ARHGAP29: variants seen among roughly 807,000 people sequenced by gnomAD.
ARHGAP29 encodes rho GTPase-activating protein 29.
A neutral mutation model predicts 122.6 loss-of-function variants in ARHGAP29; 43 were observed. The observed-to-expected ratio is 0.35, with a 90% CI of 0.27 to 0.45. ARHGAP29 has a LOEUF of 0.45. ARHGAP29 is among the 20% of genes least tolerant of loss of function. The pLI, the probability that ARHGAP29 is intolerant of heterozygous loss-of-function variation, is 1.00. For synonymous variants in ARHGAP29, 506 were observed against 497.1 expected (o/e 1.02, Z -0.24); for missense variants, 1,303 against 1,477.2 (o/e 0.88, Z 1.93).
At chr1:94,245,512 C>G (rs1653761716) in intron 1 of ARHGAP29, among the ~76,000 whole-genome samples, 1 of 152,140 alleles carries the variant, frequency 6.6e-6, no homozygotes, top group Non-Finnish European at 1.5e-5. Flanking sequence ...ACATAAAATT[C>G]TAGAGAATAT....
chr1:94,196,892 A>C (rs1244933258), intron 12 of ARHGAP29, among the ~76,000 whole-genome samples: 1 of 152,220 alleles, frequency 6.6e-6, no homozygotes, highest in Non-Finnish European at 1.5e-5. Context: ...CAATGCTTAG[A>C]GCGGAAAATT....
At position 94,189,985 on chromosome 1, in the gene ARHGAP29, G is replaced by T; in HGVS notation, c.1380C>A (p.Gly460=). 3 of 1,613,274 alleles carry T rather than the reference G, an allele frequency of 1.9e-6. No homozygotes were observed. The highest frequency in any genetic ancestry group is 2.5e-6 in the Non-Finnish European group (3 of 1,179,590). Residue 460 remains glycine, a synonymous_variant, in exon 13 of 23, where the codon GGC becomes GGA. Coordinates refer to ENST00000260526, the MANE Select transcript of ARHGAP29 (RefSeq NM_004815.4). ...LCDSAKLYDP[G]QEYSEFVKAT... is the part of the protein sequence containing the mutation. ...CCTTGACAAATTCACTGTACTCTTG[G>T]CCTGGGTCATAGAGTTTGGCACTAT...
chr1:94,186,357 G>T, intron 16 of ARHGAP29, 142 bp downstream of exon 16: 1 of 533,086 alleles, frequency 1.9e-6, no homozygotes, highest in South Asian at 3.1e-5. Flanking sequence ...TAATTGTTGG[G>T]ATATATTTAA....
chr1:94,282,272 T>G, the ARHGAP29 span, among the ~76,000 whole-genome samples: 1 of 146,444 alleles, frequency 6.8e-6, no homozygotes, highest in South Asian at 2.1e-4. Context: ...TATTTATTTA[T>G]TTATTTATTT....
At chr1:94,241,823 T>C (rs1653602431), upstream of ARHGAP29, among the ~76,000 whole-genome samples, 1 of 149,316 alleles carries the variant, frequency 6.7e-6, no homozygotes, top group Non-Finnish European at 1.5e-5. Context: ...ATGGACAAAA[T>C]ATATATTGTT....
intron 19 of ARHGAP29, 130 bp from the exon 20 acceptor site, chr1:94,180,087 A>ACATTACTAAAT: frequency 4.7e-6 from 3 of 641,598 alleles, no homozygotes; most frequent in Non-Finnish European, 7.8e-6. Context: ...ATCCACATTT[A>ACATTACTAAAT]GTAATGTAAA....
At chr1:94,291,547 C>T in the ARHGAP29 span, among the ~76,000 whole-genome samples, 4 of 152,108 alleles carry the variant, frequency 2.6e-5, no homozygotes, top group African/African-American at 7.2e-5. Flanking sequence ...TTTATAGTGT[C>T]GATGGTCTTT....
chr1:94,241,593 G>A (rs534383922), upstream of ARHGAP29, among the ~76,000 whole-genome samples: 2 of 148,444 alleles, frequency 1.3e-5, no homozygotes, highest in Admixed American at 1.3e-4. Flanking sequence ...CTCCAGCTTG[G>A]GCAACAAGAG....
chr1:94,228,070 T>A (rs1487031008), intron 2 of ARHGAP29, among the ~76,000 whole-genome samples: 3 of 151,754 alleles, frequency 2.0e-5, no homozygotes, highest in African/African-American at 7.2e-5. Flanking sequence ...CCAGCAAGAA[T>A]AGAATATTTT....
intron 12 of ARHGAP29, among the ~76,000 whole-genome samples, chr1:94,201,289 C>T (rs1650826868): frequency 6.6e-6 from 1 of 152,086 alleles, no homozygotes; most frequent in African/African-American, 2.4e-5. Flanking sequence ...TGGGGAAAGG[C>T]AGATCAAAAG....
chr1:94,233,062 A>G (rs1653021495), intron 1 of ARHGAP29, among the ~76,000 whole-genome samples: 1 of 151,740 alleles, frequency 6.6e-6, no homozygotes, highest in African/African-American at 2.4e-5. Context: ...TGCCCGCCAA[A>G]GCCACCCATG....
At chr1:94,193,308 T>G (rs192569966) in intron 12 of ARHGAP29, 2 of 150,922 alleles carry the variant, frequency 1.3e-5, no homozygotes, top group East Asian at 3.9e-4. Flanking sequence ...CTGCAGAAGA[T>G]TAACAAAAGC....
chr1:94,229,410 T>C (rs1652800022), intron 2 of ARHGAP29, among the ~76,000 whole-genome samples: 1 of 151,774 alleles, frequency 6.6e-6, no homozygotes, highest in African/African-American at 2.4e-5. Context: ...GCATTTTCCT[T>C]ATCTTTTATA....
At chr1:94,217,472 T>C (rs1007402247) in intron 3 of ARHGAP29, among the ~76,000 whole-genome samples, 3 of 149,946 alleles carry the variant, frequency 2.0e-5, no homozygotes, top group African/African-American at 7.4e-5. Context: ...AGGCTGAGGC[T>C]GCAGTGAGCC....
chr1:94,290,028 C>T, the ARHGAP29 span, among the ~76,000 whole-genome samples: 7 of 152,202 alleles, frequency 4.6e-5, no homozygotes, highest in Admixed American at 2.6e-4. Flanking sequence ...GGAGGATTCC[C>T]TCTTTTTCTA....
upstream of ARHGAP29, among the ~76,000 whole-genome samples, chr1:94,238,956 T>C (rs529973665): frequency 2.0e-5 from 3 of 152,126 alleles, no homozygotes; most frequent in African/African-American, 7.2e-5. Context: ...AGGTGCTACT[T>C]AGAAAAGATA....
chr1:94,218,491 C>T (rs1390541385), intron 3 of ARHGAP29, among the ~76,000 whole-genome samples: 1 of 152,218 alleles, frequency 6.6e-6, no homozygotes, highest in Non-Finnish European at 1.5e-5. Flanking sequence ...TACACAGGCG[C>T]ACTCCTTCCC....
chr1:94,304,998 C>A, the ARHGAP29 span, among the ~76,000 whole-genome samples: 42 of 152,136 alleles, frequency 2.8e-4, no homozygotes, highest in Admixed American at 6.5e-5. Context: ...GTTTACAGAG[C>A]AACCAGAGAT....
At chr1:94,286,457 CAGG>C in the ARHGAP29 span, among the ~76,000 whole-genome samples, 8 of 152,110 alleles carry the variant, frequency 5.3e-5, no homozygotes, top group African/African-American at 1.7e-4. Context: ...CACTTGAGAC[CAGG>C]AGTTCAAGAC....
Sources: allele counts gnomAD v4.1 joint callset (sites outside exome capture counted in the v4.1 genomes callset), GRCh38; gene constraint gnomAD v4.1.1; transcripts MANE v1.5; gene names NCBI Gene and HGNC (gene_info 2026-07-23, HGNC 2026-07-21).